Variants in PTPRN2 observed in about 807,000 individuals in gnomAD.
PTPRN2 encodes the protein protein tyrosine phosphatase receptor type N2.
PTPRN2 carries 74 observed loss-of-function variants against 118.8 expected under a neutral mutation model. The ratio of observed to expected loss-of-function variants is 0.62; its 90% confidence interval spans 0.52 to 0.76. The LOEUF (loss-of-function observed/expected upper bound fraction) is 0.76. Ranked by LOEUF, PTPRN2 falls within the 30% of genes least tolerant of loss-of-function variation. The probability of loss-of-function intolerance (pLI) is 0.00; values close to 1 mark genes in which losing one functional copy is unlikely to be tolerated. For synonymous variants in PTPRN2, 641 were observed against 608.0 expected (o/e 1.05, Z -0.80); for missense variants, 1,481 against 1,394.4 (o/e 1.06, Z -0.99).
chr7:158,340,758 A>C, intron 2 of PTPRN2, among the ~76,000 whole-genome samples: 1 of 82,426 alleles, frequency 1.2e-5, no homozygotes. Flanking sequence ...GACGTCACAC[A>C]CACCCACACT....
At position 157,788,925 on chromosome 7, in the gene PTPRN2, A is replaced by G. The variant is rs143155626; in HGVS notation, c.1789-105988T>C. On this transcript the variant is annotated intron_variant, in intron 12 of 22. Coordinates refer to ENST00000389418, the MANE Select transcript of PTPRN2 (RefSeq NM_002847.5). ...ATGCTGGGGATAGCTCCCTGGAGCC[A>G]TCTCCTTTCTCACAGAGGCGAAACC... is the stretch of plus-strand genomic sequence containing the variant. 2.5e-3 allele frequency among the ~76,000 whole-genome samples: 381 copies of G among 152,346 alleles called. 2 individuals are homozygous for G. Among genetic ancestry groups the G allele is most frequent in the African/African-American group, 9.0e-3 (373 of 41,590 alleles).
chr7:157,873,454 G>A (rs1305305173), intron 12 of PTPRN2, among the ~76,000 whole-genome samples: 3 of 152,098 alleles, frequency 2.0e-5, no homozygotes, highest in South Asian at 2.1e-4. Flanking sequence ...GGTCCGTCTC[G>A]CCGTGGGGGC....
intron 16 of PTPRN2, among the ~76,000 whole-genome samples, chr7:157,595,968 G>A (rs1801314066): frequency 6.6e-6 from 1 of 152,222 alleles, no homozygotes; most frequent in Admixed American, 6.5e-5. Flanking sequence ...GCGACCCCAT[G>A]ACATGGATGA....
intron 2 of PTPRN2, among the ~76,000 whole-genome samples, chr7:158,413,243 T>C (rs1371017088): frequency 6.6e-6 from 1 of 152,248 alleles, no homozygotes; most frequent in African/African-American, 2.4e-5. Flanking sequence ...ACAAATTTTG[T>C]GCCAAAGTTG....
chr7:158,327,269 A>G (rs951427760), intron 2 of PTPRN2, among the ~76,000 whole-genome samples: 6 of 151,428 alleles, frequency 4.0e-5, no homozygotes, highest in South Asian at 2.1e-4. Flanking sequence ...ACATGCACAC[A>G]CGTGCTCACA....
intron 3 of PTPRN2, among the ~76,000 whole-genome samples, chr7:158,253,876 C>G (rs368841046): frequency 6.9e-6 from 1 of 145,406 alleles, no homozygotes; most frequent in Non-Finnish European, 1.5e-5. Context: ...TGTAACTGCA[C>G]GGCGGCACAG....
intron 11 of PTPRN2, among the ~76,000 whole-genome samples, chr7:158,005,075 A>ATT (rs67167916): frequency 1.5e-3 from 210 of 140,254 alleles, no homozygotes; most frequent in Middle Eastern, 3.7e-3. Flanking sequence ...TGTGGCCACT[A>ATT]TTTTTTTTTT....
chr7:157,902,448 C>T (rs1215163104), intron 11 of PTPRN2, among the ~76,000 whole-genome samples: 2 of 148,216 alleles, frequency 1.3e-5, no homozygotes, highest in Non-Finnish European at 3.0e-5. Context: ...TGGGGACCAG[C>T]CCCGCGGTGG....
At chr7:158,442,602 GA>G (rs1817425510) in intron 2 of PTPRN2, among the ~76,000 whole-genome samples, 1 of 152,172 alleles carries the variant, frequency 6.6e-6, no homozygotes, top group South Asian at 2.1e-4. Context: ...TGTGTGCCCA[GA>G]AGAGCATCTA....
chr7:157,669,418 T>G, intron 13 of PTPRN2: 1 of 411,946 alleles, frequency 2.4e-6, no homozygotes, highest in South Asian at 1.6e-5. Context: ...CACACGTGTT[T>G]GCACGCGCAC....
chr7:157,966,497 A>G (rs1036156575), intron 11 of PTPRN2, among the ~76,000 whole-genome samples: 2 of 148,658 alleles, frequency 1.3e-5, no homozygotes, highest in Non-Finnish European at 3.0e-5. Context: ...CCCCATTATC[A>G]CCATCATCAC....
rs371437547 is a variant in PTPRN2 at position 158,316,801 on chromosome 7, G to A, written c.277+18C>T. ...CTCAGTGCGGCAGCCGCCGAGCCTC[G>A]GCCCACGCCCGCCCTACCTGTGCCG... is the stretch of plus-strand genomic sequence containing the variant. On this transcript the variant is annotated intron_variant, in intron 3 of 22. Coordinates refer to ENST00000389418, the MANE Select transcript of PTPRN2 (RefSeq NM_002847.5). The A allele has an allele frequency of 2.9e-5, 46 of 1,573,426 alleles. No individual in the cohort carries two copies. Among genetic ancestry groups the A allele is most frequent in the South Asian group, 1.1e-4 (10 of 87,336 alleles).
chr7:157,657,778 C>G (rs1795649129), intron 13 of PTPRN2, among the ~76,000 whole-genome samples: 1 of 125,526 alleles, frequency 8.0e-6, no homozygotes. Context: ...ACACATCACA[C>G]ATATACACAC....
chr7:157,933,570 G>C (rs1455272677), intron 11 of PTPRN2, among the ~76,000 whole-genome samples: 1 of 149,398 alleles, frequency 6.7e-6, no homozygotes, highest in African/African-American at 2.5e-5. Flanking sequence ...CTGACTGACA[G>C]TTTTAGAGGA....
At chr7:158,578,786 A>G (rs1375555684) in intron 1 of PTPRN2, among the ~76,000 whole-genome samples, 1 of 151,544 alleles carries the variant, frequency 6.6e-6, no homozygotes, top group Admixed American at 6.6e-5. Context: ...TTGTTGAGAC[A>G]GAGTCTCCCT....
intron 5 of PTPRN2, among the ~76,000 whole-genome samples, chr7:158,170,476 T>A (rs1026705372): frequency 6.6e-6 from 1 of 152,236 alleles, no homozygotes; most frequent in Non-Finnish European, 1.5e-5. Flanking sequence ...CAGAGTGTGA[T>A]CTGTGCAGTA....
At chr7:158,157,064 C>A (rs1364813194) in intron 6 of PTPRN2, among the ~76,000 whole-genome samples, 1 of 151,692 alleles carries the variant, frequency 6.6e-6, no homozygotes, top group Non-Finnish European at 1.5e-5. Context: ...GGACAGCACC[C>A]CCGTTCCATG....
chr7:158,219,975 T>G (rs1279823179), intron 3 of PTPRN2, among the ~76,000 whole-genome samples: 1 of 151,826 alleles, frequency 6.6e-6, no homozygotes, highest in Non-Finnish European at 1.5e-5. Flanking sequence ...ACAATCCTAC[T>G]AAAATTACTT....
intron 12 of PTPRN2, among the ~76,000 whole-genome samples, chr7:157,753,747 C>A (rs757077033): frequency 6.6e-6 from 1 of 152,174 alleles, no homozygotes; most frequent in Admixed American, 6.5e-5. Flanking sequence ...CCTGCCCTAA[C>A]GCTTCCCAGA....
Sources: gnomAD v4.1 joint callset for allele counts (sites outside exome capture counted in the v4.1 genomes callset) on GRCh38, gnomAD v4.1.1 for gene constraint, MANE v1.5 for transcripts, NCBI Gene and HGNC (gene_info 2026-07-23, HGNC 2026-07-21) for gene names.